Variants in LRBA observed in about 807,000 individuals in gnomAD.
The protein encoded by LRBA is lipopolysaccharide-responsive and beige-like anchor protein.
Under a neutral mutation model 330.0 loss-of-function variants are expected in LRBA, and 176 were observed. The ratio of observed to expected loss-of-function variants is 0.53; its 90% confidence interval spans 0.47 to 0.60. LRBA has a LOEUF of 0.60. Among genes scored for constraint, LRBA ranks in the 20% least tolerant of loss-of-function variants. The pLI is 0.00. For missense variants in LRBA, 3,259 were observed against 3,444.8 expected (o/e 0.95, Z 1.35); for synonymous variants, 1,230 against 1,193.0 (o/e 1.03, Z -0.64).
At chr4:151,007,436 C>A (rs1009892549) in intron 2 of LRBA, among the ~76,000 whole-genome samples, 1 of 148,546 alleles carries the variant, frequency 6.7e-6, no homozygotes, top group Admixed American at 6.8e-5. Context: ...ACCCGGGAGG[C>A]GGAGCTTTCA....
chr4:150,531,086 T>C (rs1217902117), intron 40 of LRBA, among the ~76,000 whole-genome samples: 3 of 152,202 alleles, frequency 2.0e-5, no homozygotes, highest in African/African-American at 7.2e-5. Context: ...TGTTTACTTA[T>C]TGTCTCTCTC....
intron 36 of LRBA, among the ~76,000 whole-genome samples, chr4:150,711,810 C>T (rs1355149922): frequency 6.6e-6 from 1 of 152,010 alleles, no homozygotes; most frequent in African/African-American, 2.4e-5. Flanking sequence ...CACAAAGTGC[C>T]AAAGTAAAAA....
At chr4:150,345,941 G>A (rs552894396) in intron 48 of LRBA, among the ~76,000 whole-genome samples, 25 of 152,086 alleles carry the variant, frequency 1.6e-4, no homozygotes, top group African/African-American at 5.8e-4. Context: ...CCCAATAGCT[G>A]GAATTATAGG....
At chr4:150,846,297 G>A (rs933441227) in intron 26 of LRBA, among the ~76,000 whole-genome samples, 6 of 152,038 alleles carry the variant, frequency 3.9e-5, no homozygotes, top group East Asian at 1.9e-4. Context: ...TTGGGAGGCC[G>A]AGGCGGGGGG....
intron 40 of LRBA, among the ~76,000 whole-genome samples, chr4:150,565,372 G>A (rs943455700): frequency 6.6e-6 from 1 of 152,106 alleles, no homozygotes; most frequent in East Asian, 1.9e-4. Flanking sequence ...GGAAGAGTAT[G>A]AGGACAAATA....
At chr4:150,683,134 C>T (rs1303674730) in intron 37 of LRBA, among the ~76,000 whole-genome samples, 1 of 151,896 alleles carries the variant, frequency 6.6e-6, no homozygotes, top group Non-Finnish European at 1.5e-5. Flanking sequence ...AATATGGTTA[C>T]TTTCAAATAA....
chr4:150,849,299 T>A (rs1193752485), intron 25 of LRBA, 123 bp downstream of exon 25: 2 of 812,512 alleles, frequency 2.5e-6, no homozygotes, highest in African/African-American at 3.5e-5. Context: ...AAGTAAAAGA[T>A]CCTATTGTTT....
In LRBA at chr4:150,916,462, GATGTTACAA is replaced by G; in HGVS notation, c.824_832del (p.Ile275_Ser278delinsThr). The G allele has an allele frequency of 6.2e-7, 1 of 1,613,540 alleles. No homozygotes were observed. On this transcript the variant is annotated inframe_deletion, in exon 7 of 57. Coordinates refer to ENST00000651943, the MANE Select transcript of LRBA (RefSeq NM_001364905.1). Reference sequence around the variant, plus strand: ...AAAGCCTTTTCCTTTTGACTTTATTGATGTTACAATCAAACAGCCTCCAACAAAATGAGC... The same window carrying G: ...AAAGCCTTTTCCTTTTGACTTTATTGTCAAACAGCCTCCAACAAAATGAGC...
At chr4:150,681,562 ACATACAGG>A (rs1783060592) in intron 37 of LRBA, among the ~76,000 whole-genome samples, 1 of 152,236 alleles carries the variant, frequency 6.6e-6, no homozygotes, top group Non-Finnish European at 1.5e-5. Flanking sequence ...AGAAATATGA[ACATACAGG>A]CAATGTGCTT....
intron 2 of LRBA, among the ~76,000 whole-genome samples, chr4:150,939,241 GA>G (rs1338482458): frequency 6.6e-6 from 1 of 152,136 alleles, no homozygotes; most frequent in African/African-American, 2.4e-5. Flanking sequence ...ATCTTATTTG[GA>G]AATAGGATTG....
At chr4:150,683,809 C>A in intron 36 of LRBA, 92 bp from the exon 37 acceptor site, 1 of 928,710 alleles carries the variant, frequency 1.1e-6, no homozygotes, top group Non-Finnish European at 1.6e-6. Flanking sequence ...TCAAAACAAC[C>A]AAAATTTTAA....
In LRBA at chr4:150,583,544, C is replaced by T; in HGVS notation, c.6330+4504G>A. The T allele has an allele frequency of 6.2e-7, 1 of 1,613,774 alleles. No individual in the cohort carries two copies. Among genetic ancestry groups the T allele is most frequent in the South Asian group, 1.1e-5 (1 of 91,058 alleles). ...GAGCGCTATGTGGTGCAAATCACTC[C>T]GGCGTTCAAGTGCACCGGGATCTGG... On this transcript the variant is annotated intron_variant, in intron 40 of 56. Transcript: ENST00000651943. This position sits in a 1 kb window ranked among gnomAD's most constrained non-coding sequence, Gnocchi z 9.8.
At chr4:150,806,723 C>G (rs1199459572) in intron 32 of LRBA, among the ~76,000 whole-genome samples, 1 of 151,978 alleles carries the variant, frequency 6.6e-6, no homozygotes. Flanking sequence ...AAACTCTCAT[C>G]AAGTCTTCAA....
chr4:150,608,186 A>G (rs1774864010), intron 37 of LRBA, among the ~76,000 whole-genome samples: 1 of 152,198 alleles, frequency 6.6e-6, no homozygotes, highest in Non-Finnish European at 1.5e-5. Context: ...ACTCCAGCCC[A>G]GGTAACAGAG....
At chr4:150,591,539 C>T (rs573630460) in intron 38 of LRBA, among the ~76,000 whole-genome samples, 38 of 152,284 alleles carry the variant, frequency 2.5e-4, no homozygotes, top group African/African-American at 8.2e-4. Context: ...AGGAGCAAGG[C>T]GGTGTGGAAA....
At chr4:150,779,945 C>T (rs1272537622) in intron 34 of LRBA, among the ~76,000 whole-genome samples, 2 of 152,112 alleles carry the variant, frequency 1.3e-5, no homozygotes, top group African/African-American at 4.8e-5. Flanking sequence ...TAAAATAGTG[C>T]CTTTATTATT....
At chr4:150,618,710 A>C (rs1012127214) in intron 37 of LRBA, among the ~76,000 whole-genome samples, 1 of 152,058 alleles carries the variant, frequency 6.6e-6, no homozygotes, top group Non-Finnish European at 1.5e-5. Context: ...TTTTACTGCA[A>C]ATATATGACA....
rs112842947 is a variant in LRBA, at chr4:150,730,678, GAA to G, written c.5754+4578_5754+4579del. Among the ~76,000 whole-genome samples the G allele has an allele frequency of 3.4e-3, 304 of 89,868 alleles. 2 individuals are homozygous for G. Among genetic ancestry groups the G allele is most frequent in the African/African-American group, 0.011 (276 of 25,748 alleles). The allele number at this position is 89,868 out of a possible 152,430, so 59.0% of individuals were successfully genotyped here. On this transcript the variant is annotated intron_variant, in intron 36 of 56. Transcript: ENST00000651943. ...AGCCTGCGTGACAGAGTGAGGCTCT[GAA>G]AAAAAAAAAAAAAAAGAAAGAAAAG...
intron 2 of LRBA, among the ~76,000 whole-genome samples, chr4:150,929,805 A>G (rs1193057541): frequency 1.3e-5 from 2 of 152,072 alleles, no homozygotes; most frequent in African/African-American, 4.8e-5. Context: ...GATTTTTTAA[A>G]TAAATTTTTT....
Sources: gnomAD v4.1 joint callset for allele counts (sites outside exome capture counted in the v4.1 genomes callset) on GRCh38, gnomAD v4.1.1 for gene constraint, Gnocchi (gnomAD v3.1) non-coding constraint, MANE v1.5 for transcripts, NCBI Gene and HGNC (gene_info 2026-07-23, HGNC 2026-07-21) for gene names.